Variants in FSTL5 observed in about 807,000 individuals in gnomAD.
FSTL5 encodes follistatin-related protein 5.
In FSTL5, 62 loss-of-function variants were observed where a neutral mutation model predicts 89.1. That is an observed-to-expected ratio of 0.70 (90% CI 0.57 to 0.86). The LOEUF is 0.86. FSTL5 is among the 40% of genes least tolerant of loss of function. The pLI is 0.00. For missense variants in FSTL5, 1,057 were observed against 1,001.6 expected (o/e 1.06, Z -0.75); for synonymous variants, 383 against 346.2 (o/e 1.11, Z -1.18).
chr4:161,949,110 C>T (rs562441630), intron 3 of FSTL5, among the ~76,000 whole-genome samples: 1 of 152,288 alleles, frequency 6.6e-6, no homozygotes, highest in African/African-American at 2.4e-5. Context: ...TCAGCTTCCA[C>T]AGGCTGCCTG....
chr4:161,511,521 A>G (rs565494609), intron 10 of FSTL5, among the ~76,000 whole-genome samples: 2 of 152,274 alleles, frequency 1.3e-5, no homozygotes, highest in African/African-American at 4.8e-5. Context: ...AACAAATACG[A>G]AAAAAGTATA....
intron 3 of FSTL5, among the ~76,000 whole-genome samples, chr4:161,941,022 G>A (rs947375641): frequency 1.3e-5 from 2 of 151,764 alleles, no homozygotes; most frequent in African/African-American, 4.8e-5. Flanking sequence ...AACATAAAGG[G>A]AGAGGAATGA....
At chr4:161,540,665 C>A (rs1485206446) in intron 9 of FSTL5, among the ~76,000 whole-genome samples, 1 of 152,054 alleles carries the variant, frequency 6.6e-6, no homozygotes, top group Non-Finnish European at 1.5e-5. Flanking sequence ...TCCATCAGTT[C>A]TAAGCCTCCC....
chr4:161,991,745 C>T (rs1398851405), intron 3 of FSTL5, among the ~76,000 whole-genome samples: 1 of 152,050 alleles, frequency 6.6e-6, no homozygotes, highest in Non-Finnish European at 1.5e-5. Context: ...GAGCCAATCC[C>T]CTGCAAATGC....
intron 15 of FSTL5, among the ~76,000 whole-genome samples, chr4:161,454,782 A>G (rs1196983880): frequency 6.6e-6 from 1 of 152,252 alleles, no homozygotes; most frequent in Non-Finnish European, 1.5e-5. Flanking sequence ...CTGTATTTTC[A>G]CAAATTCACA....
chr4:162,081,991 T>C (rs1302043547), intron 2 of FSTL5, among the ~76,000 whole-genome samples: 1 of 151,734 alleles, frequency 6.6e-6, no homozygotes, highest in Non-Finnish European at 1.5e-5. Context: ...TAAATGTGCA[T>C]TGATTCCAAC....
chr4:161,761,614 T>C (rs1217087397), intron 5 of FSTL5, among the ~76,000 whole-genome samples: 1 of 152,244 alleles, frequency 6.6e-6, no homozygotes, highest in African/African-American at 2.4e-5. Flanking sequence ...ACCAAGATAT[T>C]GGACTTCCCA....
At chr4:162,076,214 G>A (rs774438016) in intron 2 of FSTL5, among the ~76,000 whole-genome samples, 15 of 151,828 alleles carry the variant, frequency 9.9e-5, no homozygotes, top group Non-Finnish European at 1.6e-4. Flanking sequence ...CCATCATATC[G>A]CTATAGCTAT....
At chr4:161,967,108 A>T (rs1311426876) in intron 3 of FSTL5, among the ~76,000 whole-genome samples, 1 of 151,998 alleles carries the variant, frequency 6.6e-6, no homozygotes, top group East Asian at 1.9e-4. Context: ...TCATAAAAAT[A>T]AAATTTTACA....
At chr4:161,937,278 A>G (rs1734458956) in intron 3 of FSTL5, among the ~76,000 whole-genome samples, 1 of 152,272 alleles carries the variant, frequency 6.6e-6, no homozygotes, top group South Asian at 2.1e-4. Context: ...ATGTAAAACA[A>G]CATAGACATC....
At chr4:162,093,569 A>T (rs1310457094) in intron 2 of FSTL5, among the ~76,000 whole-genome samples, 2 of 152,206 alleles carry the variant, frequency 1.3e-5, no homozygotes, top group Non-Finnish European at 2.9e-5. Flanking sequence ...ATACACAAAT[A>T]TGAAATGCCA....
chr4:162,081,296 C>T (rs1730088342), intron 2 of FSTL5, among the ~76,000 whole-genome samples: 1 of 151,436 alleles, frequency 6.6e-6, no homozygotes, highest in South Asian at 2.1e-4. Context: ...TAATGGATCA[C>T]AGTGAAACTA....
chr4:161,859,592 GAA>G (rs1358389489), intron 4 of FSTL5, among the ~76,000 whole-genome samples: 2 of 152,102 alleles, frequency 1.3e-5, no homozygotes, highest in Non-Finnish European at 2.9e-5. Context: ...CAAAATTTGA[GAA>G]AATGAATTCA....
At chr4:161,691,385 C>T (rs1737935104) in intron 6 of FSTL5, among the ~76,000 whole-genome samples, 1 of 152,036 alleles carries the variant, frequency 6.6e-6, no homozygotes. Context: ...AATTATATTG[C>T]ATTGTTCTAC....
intron 1 of FSTL5, among the ~76,000 whole-genome samples, chr4:162,113,314 ATT>A (rs1561026114): frequency 2.8e-4 from 43 of 151,716 alleles, no homozygotes; most frequent in Middle Eastern, 3.4e-3. Context: ...TAAACTCATC[ATT>A]AATTCTTTTA....
chr4:161,462,655 G>T (rs558363503), intron 13 of FSTL5, among the ~76,000 whole-genome samples: 1 of 152,250 alleles, frequency 6.6e-6, no homozygotes, highest in African/African-American at 2.4e-5. Context: ...AGGTGAGATA[G>T]TAAAGTACTT....
intron 5 of FSTL5, among the ~76,000 whole-genome samples, chr4:161,775,113 G>C (rs1375951572): frequency 6.6e-6 from 1 of 151,890 alleles, no homozygotes; most frequent in East Asian, 1.9e-4. Flanking sequence ...TTTTAAATAA[G>C]CCATAAAATT....
chr4:162,075,439 G>A (rs1380104406), intron 2 of FSTL5, among the ~76,000 whole-genome samples: 1 of 151,814 alleles, frequency 6.6e-6, no homozygotes, highest in Non-Finnish European at 1.5e-5. Flanking sequence ...GCATTCCAGT[G>A]TCCAGGTGTC....
At chr4:161,931,600 A>C (rs1734285818) in intron 3 of FSTL5, among the ~76,000 whole-genome samples, 1 of 151,936 alleles carries the variant, frequency 6.6e-6, no homozygotes, top group Non-Finnish European at 1.5e-5. Context: ...GTATTATTTA[A>C]TTTAACAATA....
Sources: gnomAD v4.1 joint callset for allele counts (sites outside exome capture counted in the v4.1 genomes callset) on GRCh38, gnomAD v4.1.1 for gene constraint, MANE v1.5 for transcripts, NCBI Gene and HGNC (gene_info 2026-07-23, HGNC 2026-07-21) for gene names.